Variants in CACNB2 observed in about 807,000 individuals in gnomAD.
CACNB2 encodes calcium voltage-gated channel auxiliary subunit beta 2, also known as voltage-dependent L-type calcium channel subunit beta-2.
In CACNB2, 42 loss-of-function variants were observed where a neutral mutation model predicts 73.3. The ratio of observed to expected loss-of-function variants is 0.57; its 90% CI spans 0.45 to 0.74. The LOEUF (loss-of-function observed/expected upper bound fraction) is 0.74. Ranked by LOEUF, CACNB2 falls within the 30% of genes least tolerant of loss-of-function variation. The pLI, the probability that CACNB2 is intolerant of heterozygous loss-of-function variation, is 0.00. For missense variants in CACNB2, 940 were observed against 853.0 expected, an observed-to-expected ratio of 1.10 and a Z score of -1.27; for synonymous variants, 348 against 310.3, an observed-to-expected ratio of 1.12 and a Z score of -1.28.
intron 3 of CACNB2, among the ~76,000 whole-genome samples, chr10:18,449,051 G>T (rs1450168606): frequency 1.3e-5 from 2 of 152,162 alleles, no homozygotes; most frequent in Non-Finnish European, 2.9e-5. Context: ...TCTGGTAATG[G>T]TGTTGGGGCA....
At chr10:18,487,573 G>GC in intron 3 of CACNB2, among the ~76,000 whole-genome samples, 1 of 152,240 alleles carries the variant, frequency 6.6e-6, no homozygotes. Flanking sequence ...GGTGGCTCAC[G>GC]CCTGTTATCC....
At chr10:18,350,537 C>T (rs909938938) in intron 2 of CACNB2, among the ~76,000 whole-genome samples, 5 of 152,148 alleles carry the variant, frequency 3.3e-5, no homozygotes, top group African/African-American at 9.7e-5. Flanking sequence ...GAGCAGCCGA[C>T]GTTCCCTCAG....
intron 2 of CACNB2, among the ~76,000 whole-genome samples, chr10:18,327,872 G>C (rs189087227): frequency 6.6e-6 from 1 of 152,276 alleles, no homozygotes; most frequent in South Asian, 2.1e-4. Flanking sequence ...GGGTTGGGGG[G>C]TGTCCTGGCA....
intron 2 of CACNB2, among the ~76,000 whole-genome samples, chr10:18,213,272 C>T (rs1013382271): frequency 3.3e-5 from 5 of 152,132 alleles, no homozygotes; most frequent in African/African-American, 9.7e-5. Context: ...AGTCTTTAAC[C>T]TCTTTGACCT....
At chr10:18,534,315 T>A in intron 11 of CACNB2, 88 bp downstream of exon 11, 1 of 1,135,844 alleles carries the variant, frequency 8.8e-7, no homozygotes, top group Non-Finnish European at 1.3e-6. Context: ...GCTATTGTAA[T>A]AGCCTTTATG....
chr10:18,290,606 T>C (rs945176688), intron 2 of CACNB2, among the ~76,000 whole-genome samples: 1 of 152,190 alleles, frequency 6.6e-6, no homozygotes, highest in Non-Finnish European at 1.5e-5. Context: ...AAGTAAAAAG[T>C]GAAATAGATG....
At chr10:18,443,318 C>T (rs368317874) in intron 3 of CACNB2, among the ~76,000 whole-genome samples, 1 of 151,936 alleles carries the variant, frequency 6.6e-6, no homozygotes, top group Admixed American at 6.6e-5. Flanking sequence ...TGACAGCACA[C>T]TCATCAGTTC....
chr10:18,257,780 G>A (rs913145080), intron 2 of CACNB2, among the ~76,000 whole-genome samples: 2 of 152,164 alleles, frequency 1.3e-5, no homozygotes, highest in African/African-American at 4.8e-5. Context: ...GTTTCCGTCT[G>A]TCACCCAGGC....
At chr10:18,514,952 G>C in intron 7 of CACNB2, 1 of 1,536,114 alleles carries the variant, frequency 6.5e-7, no homozygotes, top group Non-Finnish European at 9.0e-7. Context: ...TTTTAATTTA[G>C]TCAGTATTTA....
In CACNB2 at chr10:18,242,958, C is replaced by T. The variant is rs2036718558; in HGVS notation, c.213+91983C>T. Among the ~76,000 whole-genome samples the T allele has an allele frequency of 2.0e-5, 3 of 146,636 alleles. No individual in the cohort carries two copies. In the East Asian group the frequency reaches 5.9e-4, roughly 29 times the overall value. On this transcript the variant is annotated intron_variant, in intron 2 of 13. Coordinates refer to ENST00000324631, the MANE Select transcript of CACNB2 (RefSeq NM_201596.3). ...CCGGGAGGCGGAGCTTGCAGTGAGCCGAGATTGCGCCACTGCACTCCAGCC... is the reference window on the plus strand; with the variant it reads ...CCGGGAGGCGGAGCTTGCAGTGAGCTGAGATTGCGCCACTGCACTCCAGCC...
At chr10:18,255,543 A>T (rs1217416873) in intron 2 of CACNB2, among the ~76,000 whole-genome samples, 1 of 152,190 alleles carries the variant, frequency 6.6e-6, no homozygotes, top group Admixed American at 6.5e-5. Flanking sequence ...AGGCAAGGAC[A>T]TTGGTTGTTT....
At chr10:18,462,254 T>C (rs2047622361) in intron 3 of CACNB2, among the ~76,000 whole-genome samples, 2 of 152,180 alleles carry the variant, frequency 1.3e-5, no homozygotes, top group African/African-American at 4.8e-5. Context: ...GGAGCGCTGG[T>C]TGGTTGATTG....
At chr10:18,389,390 G>A (rs987822655) in intron 2 of CACNB2, among the ~76,000 whole-genome samples, 1 of 152,084 alleles carries the variant, frequency 6.6e-6, no homozygotes, top group Non-Finnish European at 1.5e-5. Context: ...CCTCCCACCT[G>A]GGCCTCCCAA....
chr10:18,400,629 T>G, intron 2 of CACNB2: 2 of 1,043,648 alleles, frequency 1.9e-6, no homozygotes, highest in Non-Finnish European at 2.3e-6. Context: ...ACTGCATACG[T>G]TTTTGCACTA....
At position 18,377,200 on chromosome 10, in the gene CACNB2, G is replaced by A. The variant is rs10828609; in HGVS notation, c.214-24724G>A. Reference sequence around the variant, plus strand: ...TAAGTGTAAATAATTTTAATTAGTGGGTATGTGAGAAGGGGAGGAGATTTC... The same window carrying A: ...TAAGTGTAAATAATTTTAATTAGTGAGTATGTGAGAAGGGGAGGAGATTTC... On this transcript the variant is annotated intron_variant, in intron 2 of 13. Transcript: ENST00000324631. Among the ~76,000 whole-genome samples the A allele has an allele frequency of 3.4e-3, 524 of 152,090 alleles. 1 individual carries two copies. Among genetic ancestry groups the A allele is most frequent in the Non-Finnish European group, 4.9e-3 (331 of 67,988 alleles).
At chr10:18,321,544 T>G (rs2040397086) in intron 2 of CACNB2, among the ~76,000 whole-genome samples, 1 of 152,190 alleles carries the variant, frequency 6.6e-6, no homozygotes, top group Non-Finnish European at 1.5e-5. Flanking sequence ...ATAAATGGAC[T>G]GTTTGTAACT....
At chr10:18,531,693 A>G (rs1589724769) in intron 10 of CACNB2, among the ~76,000 whole-genome samples, 1 of 152,130 alleles carries the variant, frequency 6.6e-6, no homozygotes, top group East Asian at 1.9e-4. Flanking sequence ...TGACTTTTTA[A>G]TAACAGCCAT....
intron 2 of CACNB2, among the ~76,000 whole-genome samples, chr10:18,394,710 T>C (rs780409074): frequency 6.6e-6 from 1 of 152,206 alleles, no homozygotes; most frequent in Non-Finnish European, 1.5e-5. Flanking sequence ...AGGTAATACT[T>C]GTGAATCAGC....
At chr10:18,487,614 C>T (rs546043343) in intron 3 of CACNB2, among the ~76,000 whole-genome samples, 1 of 152,112 alleles carries the variant, frequency 6.6e-6, no homozygotes, top group East Asian at 1.9e-4. Flanking sequence ...GTGGGTGGAT[C>T]ATCTGAGGTC....
Sources: allele counts gnomAD v4.1 joint callset (sites outside exome capture counted in the v4.1 genomes callset), GRCh38; gene constraint gnomAD v4.1.1; transcripts MANE v1.5; gene names NCBI Gene and HGNC (gene_info 2026-07-23, HGNC 2026-07-21).